AKR1C1: variants seen among roughly 807,000 people sequenced by gnomAD.
The protein encoded by AKR1C1 is 20 alpha-hydroxysteroid dehydrogenase.
In AKR1C1, 32 loss-of-function variants were observed where a neutral mutation model predicts 40.6. The observed-to-expected ratio is 0.79, with a 90% CI of 0.60 to 1.06. The LOEUF is 1.06. Ranked by LOEUF, AKR1C1 falls within the 50% of genes least tolerant of loss-of-function variation. AKR1C1 has a pLI of 0.00. For synonymous variants in AKR1C1, 105 were observed against 134.2 expected, an observed-to-expected ratio of 0.78 and a Z score of 1.50; for missense variants, 320 against 363.5, an observed-to-expected ratio of 0.88 and a Z score of 0.97.
rs776602717 is a variant in AKR1C1, at chr10:4,965,911, C to A, written c.85-3C>A. ...AAAATACTACCTATGGTTACTCCCC[C>A]AGGTTCCTAAAAGTAAAGCTTTAGA... On this transcript the variant is annotated splice_polypyrimidine_tract_variant and splice_region_variant and intron_variant, in intron 1 of 8. Coordinates refer to ENST00000380872, the MANE Select transcript of AKR1C1 (RefSeq NM_001353.6). The A allele has an allele frequency of 3.7e-6, 6 of 1,613,108 alleles. No homozygotes were observed. In the Admixed American group the frequency reaches 1.0e-4, roughly 27 times the overall value.
At position 4,981,902 on chromosome 10, in the gene AKR1C1, C is replaced by T. The variant is rs1218121732; in HGVS notation, c.*4160C>T. On this transcript the variant is annotated 3_prime_UTR_variant, in exon 9 of 9. Transcript: ENST00000380872. ...TTATCTCAGCGTGTAAGCTGATGATCTGAGGCTGGTCAGAGTTCTGTGCGC... is the reference window on the plus strand; with the variant it reads ...TTATCTCAGCGTGTAAGCTGATGATTTGAGGCTGGTCAGAGTTCTGTGCGC... The T allele has an allele frequency of 6.6e-6, 1 of 152,258 alleles. No individual in the cohort carries two copies. The allele number at this position is 152,258 out of a possible 1,614,324, so 9.4% of individuals were successfully genotyped here. A position where few individuals can be genotyped will look rare whatever the true frequency, so the allele number is the denominator to read the frequency against.
intron 5 of AKR1C1, among the ~76,000 whole-genome samples, chr10:4,970,884 G>A (rs1484861242): frequency 7.3e-5 from 11 of 151,506 alleles, no homozygotes; most frequent in Non-Finnish European, 1.2e-4. Flanking sequence ...TAGGTGCAGC[G>A]TACCAACATG....
chr10:4,969,823 T>A (rs534192764), intron 5 of AKR1C1: 26 of 1,419,740 alleles, frequency 1.8e-5, no homozygotes, highest in Non-Finnish European at 2.5e-5. Context: ...TTTTATTTTA[T>A]GTTTTAAAAC....
At chr10:4,977,658 G>A (rs782715558) in intron 8 of AKR1C1, 42 bp from the exon 9 acceptor site, 22 of 1,612,082 alleles carry the variant, frequency 1.4e-5, no homozygotes, top group Non-Finnish European at 1.7e-5. Flanking sequence ...TAGTAACGGA[G>A]TCATTGCCAT....
rs1174910984 is a variant in AKR1C1 at position 4,979,552 on chromosome 10, T to C, written c.*1810T>C. 1 of 152,012 alleles carries C rather than the reference T, an allele frequency of 6.6e-6. No homozygotes were observed. The highest frequency in any genetic ancestry group is 1.5e-5 in the Non-Finnish European group (1 of 68,048). The allele number at this position is 152,012 out of a possible 1,614,324, so 9.4% of individuals were successfully genotyped here. A position where few individuals can be genotyped will look rare whatever the true frequency, so the allele number is the denominator to read the frequency against. On this transcript the variant is annotated 3_prime_UTR_variant, in exon 9 of 9. Coordinates refer to ENST00000380872, the MANE Select transcript of AKR1C1 (RefSeq NM_001353.6). ...GAAAAGATTGACATTTTGTTAAAAG[T>C]TAGTAGTGAAGTGTGTAACGCTTAA...
intron 5 of AKR1C1, among the ~76,000 whole-genome samples, chr10:4,970,814 G>A (rs1218797005): frequency 1.8e-5 from 2 of 111,298 alleles, no homozygotes; most frequent in South Asian, 3.8e-4. Flanking sequence ...CTGTTGTGGG[G>A]TGGGGGGAGG....
chr10:4,971,505 T>TTTTATA (rs879971088), intron 5 of AKR1C1, among the ~76,000 whole-genome samples: 12 of 108,926 alleles, frequency 1.1e-4, no homozygotes, highest in Admixed American at 5.9e-4. Flanking sequence ...CATATATATA[T>TTTTATA]TATATATATA....
Position 4,977,959 on chromosome 10 carries a change from T to C in AKR1C1, c.*217T>C. 1 of 623,008 alleles carries C rather than the reference T, an allele frequency of 1.6e-6. No individual in the cohort carries two copies. Among genetic ancestry groups the C allele is most frequent in the East Asian group, 3.2e-5 (1 of 31,450 alleles). 38.6% of individuals were successfully genotyped at this position (623,008 alleles called of 1,614,324 possible). A position where few individuals can be genotyped will look rare whatever the true frequency, so the allele number is the denominator to read the frequency against. ...ATTAAATGCTCTCTCCTAAAGATTC[T>C]TCACCTACTTTGGTCTCCATAACTT... On this transcript the variant is annotated 3_prime_UTR_variant, in exon 9 of 9. Transcript: ENST00000380872.
chr10:4,968,211 C>T, intron 3 of AKR1C1, 98 bp from the exon 4 acceptor site: 3 of 1,375,316 alleles, frequency 2.2e-6, no homozygotes, highest in Admixed American at 1.9e-5. Flanking sequence ...GCATCACCTA[C>T]CTCATGGAGG....
chr10:4,968,878 C>T lies in AKR1C1; in HGVS notation c.504C>T (p.Phe168=). 6.2e-7 allele frequency: 1 copy of T among 1,614,214 alleles called. No individual in the cohort carries two copies. The highest frequency in any genetic ancestry group is 1.3e-5 in the African/African-American group (1 of 75,050). ...CCAAGTCCATCGGGGTGTCCAACTT[C>T]AACCGCAGGCAGCTGGAGATGATCC... ...GLAKSIGVSN[F]NRRQLEMILN... Residue 168 remains phenylalanine, a synonymous_variant, in exon 5 of 9, where the codon TTC becomes TTT. Transcript: ENST00000380872.
chr10:4,968,440 G>A, intron 4 of AKR1C1, 54 bp downstream of exon 4: 3 of 1,200,904 alleles, frequency 2.5e-6, no homozygotes, highest in Non-Finnish European at 3.5e-6. Flanking sequence ...GGATACATCT[G>A]TTTCCTATCT....
At chr10:4,967,333 C>T (rs1284939262) in intron 3 of AKR1C1, 8 of 1,122,900 alleles carry the variant, frequency 7.1e-6, no homozygotes, top group African/African-American at 1.7e-5. Flanking sequence ...GTTATGATTC[C>T]TGATTTCACC....
chr10:4,971,391 T>C (rs1252772147), intron 5 of AKR1C1, among the ~76,000 whole-genome samples: 2 of 151,762 alleles, frequency 1.3e-5, no homozygotes, highest in Middle Eastern at 3.4e-3. Context: ...ACAAAGATTG[T>C]TGTTCTTTTT....
At chr10:4,971,705 T>C (rs1365806016) in intron 5 of AKR1C1, among the ~76,000 whole-genome samples, 2 of 151,256 alleles carry the variant, frequency 1.3e-5, no homozygotes, top group Non-Finnish European at 2.9e-5. Flanking sequence ...TGTATGTATA[T>C]TTTCTAGTTC....
At position 4,982,142 on chromosome 10, in the gene AKR1C1, T is replaced by C. The variant is rs1296445547; in HGVS notation, c.*4400T>C. On this transcript the variant is annotated 3_prime_UTR_variant, in exon 9 of 9. Coordinates refer to ENST00000380872, the MANE Select transcript of AKR1C1 (RefSeq NM_001353.6). The stretch of plus-strand genomic sequence containing the variant: ...TATTTGTGCTGAGAATGAAACTCCT[T>C]GACCTTGAAAACAGGACAGGGAGTG... 2 of 152,234 alleles carry C rather than the reference T, an allele frequency of 1.3e-5. No homozygotes were observed. Among genetic ancestry groups the C allele is most frequent in the Non-Finnish European group, 2.9e-5 (2 of 68,096 alleles). 9.4% of individuals were successfully genotyped at this position (152,234 alleles called of 1,614,324 possible).
chr10:4,979,601 C>T lies in AKR1C1; in HGVS notation c.*1859C>T, dbSNP rs1456510358. On this transcript the variant is annotated 3_prime_UTR_variant, in exon 9 of 9. Coordinates refer to ENST00000380872, the MANE Select transcript of AKR1C1 (RefSeq NM_001353.6). ...AAGCAAACTTTCATATTTCAAATCT[C>T]TTTAGCAAGTGTAACTCTTTTTTCA... 6.6e-6 allele frequency: 1 copy of T among 152,132 alleles called. No homozygotes were observed. Among genetic ancestry groups the T allele is most frequent in the Non-Finnish European group, 1.5e-5 (1 of 68,046 alleles). 9.4% of individuals were successfully genotyped at this position (152,132 alleles called of 1,614,324 possible). A position where few individuals can be genotyped will look rare whatever the true frequency, so the allele number is the denominator to read the frequency against.
At chr10:4,973,006 G>C (rs1164928613) in intron 7 of AKR1C1, among the ~76,000 whole-genome samples, 6 of 152,412 alleles carry the variant, frequency 3.9e-5, no homozygotes, top group Admixed American at 6.5e-5. Flanking sequence ...CTCTGCTGGG[G>C]CCATGTCCTT....
At position 4,972,324 on chromosome 10, in the gene AKR1C1, C is replaced by T; in HGVS notation, c.680+14C>T. 6.2e-7 allele frequency: 1 copy of T among 1,607,396 alleles called. No individual in the cohort carries two copies. The highest frequency in any genetic ancestry group is 2.2e-5 in the East Asian group (1 of 44,776). ...AGAAGAACCATGGTAATAAGAGATA[C>T]AGGAAGTTTACCTAAAACACCGGTT... On this transcript the variant is annotated intron_variant, in intron 6 of 8. Transcript: ENST00000380872.
In AKR1C1 at chr10:4,982,783, G is replaced by A. The variant is rs554681083; in HGVS notation, c.*5041G>A. Reference sequence around the variant, plus strand: ...CCACCTCCTAGCTGGAGACCAACCAGCACAGTCCACACAGCACCTCAAGGA... The same window carrying A: ...CCACCTCCTAGCTGGAGACCAACCAACACAGTCCACACAGCACCTCAAGGA... On this transcript the variant is annotated 3_prime_UTR_variant, in exon 9 of 9. Coordinates refer to ENST00000380872, the MANE Select transcript of AKR1C1 (RefSeq NM_001353.6). The A allele has an allele frequency of 7.2e-4, 228 of 316,838 alleles. 3 individuals are homozygous for A. The highest frequency in any genetic ancestry group is 2.7e-4 in the Non-Finnish European group (43 of 159,192). The allele number at this position is 316,838 out of a possible 1,614,324, so 19.6% of individuals were successfully genotyped here.
Sources: gnomAD v4.1 joint callset for allele counts (sites outside exome capture counted in the v4.1 genomes callset) on GRCh38, gnomAD v4.1.1 for gene constraint, MANE v1.5 for transcripts, NCBI Gene and HGNC (gene_info 2026-07-23, HGNC 2026-07-21) for gene names.